Variants in CLYBL observed in about 807,000 individuals in gnomAD.
CLYBL encodes the protein citramalyl-CoA lyase, mitochondrial.
CLYBL carries 31 observed loss-of-function variants against 38.9 expected under a neutral mutation model. The observed-to-expected ratio is 0.80, with a 90% CI of 0.60 to 1.08. The LOEUF is 1.08. Ranked by LOEUF, CLYBL falls within the 50% of genes least tolerant of loss-of-function variation. CLYBL has a pLI of 0.00. For synonymous variants in CLYBL, 171 were observed against 158.6 expected (o/e 1.08, Z -0.59); for missense variants, 434 against 411.6 (o/e 1.05, Z -0.47).
intron 1 of CLYBL, among the ~76,000 whole-genome samples, chr13:99,675,379 T>C (rs1054876846): frequency 1.3e-5 from 2 of 152,214 alleles, no homozygotes; most frequent in Non-Finnish European, 2.9e-5. Flanking sequence ...TCTCATACAG[T>C]TCACCTATTT....
intron 3 of CLYBL, among the ~76,000 whole-genome samples, chr13:99,861,764 A>C (rs1455366719): frequency 1.3e-5 from 2 of 152,188 alleles, no homozygotes; most frequent in Non-Finnish European, 2.9e-5. Flanking sequence ...AAAGCTTTTT[A>C]AAGATCCCAG....
chr13:99,659,814 G>A (rs776697852), intron 1 of CLYBL, among the ~76,000 whole-genome samples: 4 of 152,114 alleles, frequency 2.6e-5, no homozygotes, highest in Admixed American at 2.6e-4. Flanking sequence ...AAACCTGTTT[G>A]GCGGCATAAA....
Position 99,686,157 on chromosome 13 carries a change from C to T in CLYBL, c.62+79400C>T, listed in dbSNP as rs542727045. On this transcript the variant is annotated intron_variant, in intron 1 of 8. Transcript: ENST00000339105. The stretch of plus-strand genomic sequence containing the variant: ...CCCGGGAATTTGTGTGGAGCTGTTT[C>T]AGGGACACTCTGAGCTAAGAAAAGG... 4.6e-5 allele frequency among the ~76,000 whole-genome samples: 7 copies of T among 152,216 alleles called. No individual in the cohort carries two copies. The South Asian group carries it at 1.5e-3, about 32-fold the overall frequency.
chr13:99,740,664 C>G (rs1189892913), intron 1 of CLYBL, among the ~76,000 whole-genome samples: 1 of 152,236 alleles, frequency 6.6e-6, no homozygotes, highest in Non-Finnish European at 1.5e-5. Flanking sequence ...CTGCATCTCT[C>G]AAACTGAGAT....
intron 2 of CLYBL, among the ~76,000 whole-genome samples, chr13:99,830,600 A>C (rs1273040022): frequency 6.6e-6 from 1 of 152,202 alleles, no homozygotes; most frequent in Admixed American, 6.5e-5. Flanking sequence ...AGTCTGTGAC[A>C]GTCCCTAGCT....
intron 1 of CLYBL, among the ~76,000 whole-genome samples, chr13:99,630,410 C>T (rs1436566751): frequency 6.6e-6 from 1 of 152,142 alleles, no homozygotes; most frequent in East Asian, 1.9e-4. Flanking sequence ...CTGGTCAGTA[C>T]AGTCCCTGAA....
At chr13:99,741,281 T>C (rs952927952) in intron 1 of CLYBL, among the ~76,000 whole-genome samples, 15 of 152,082 alleles carry the variant, frequency 9.9e-5, no homozygotes, top group South Asian at 8.3e-4. Flanking sequence ...TTTGGTGGTG[T>C]TGGGGAGTCA....
chr13:99,869,604 T>C lies in CLYBL; in HGVS notation c.803-1334T>C, dbSNP rs748092631. Among the ~76,000 whole-genome samples, 2 of 152,114 alleles carry C rather than the reference T, an allele frequency of 1.3e-5. No homozygotes were observed. The highest frequency in any genetic ancestry group is 2.9e-5 in the Non-Finnish European group (2 of 67,976). ...TAGCAATGTGAGGATGTTTTAATTA[T>C]GCCATTGGAAAGAAAAGATATTATT... On this transcript the variant is annotated intron_variant, in intron 6 of 8. Transcript: ENST00000339105. The surrounding 1 kb of genome is among the most constrained non-coding windows in gnomAD (Gnocchi z 4.3).
chr13:99,710,457 A>AT (rs1011871019), intron 1 of CLYBL, among the ~76,000 whole-genome samples: 2 of 152,058 alleles, frequency 1.3e-5, no homozygotes, highest in Non-Finnish European at 2.9e-5. Context: ...ACTGCACAGC[A>AT]TTTTTTTCAG....
chr13:99,760,137 T>C (rs534809560), intron 1 of CLYBL, among the ~76,000 whole-genome samples: 1 of 152,358 alleles, frequency 6.6e-6, no homozygotes, highest in Non-Finnish European at 1.5e-5. Context: ...TGTCTTATGA[T>C]CTTTTATTTC....
chr13:99,805,336 G>A (rs537107696), intron 2 of CLYBL, among the ~76,000 whole-genome samples: 30 of 152,202 alleles, frequency 2.0e-4, no homozygotes, highest in African/African-American at 6.3e-4. Flanking sequence ...AGGAATTGCC[G>A]TACTGTTAAT....
chr13:99,619,563 C>T (rs1037821432), intron 1 of CLYBL, among the ~76,000 whole-genome samples: 3 of 152,202 alleles, frequency 2.0e-5, no homozygotes, highest in South Asian at 4.1e-4. Flanking sequence ...TTAATATCCT[C>T]AGGTGCTCTT....
chr13:99,647,088 T>G (rs749335861), intron 1 of CLYBL, among the ~76,000 whole-genome samples: 1 of 152,170 alleles, frequency 6.6e-6, no homozygotes, highest in Admixed American at 6.6e-5. Flanking sequence ...ATGGTGCTCA[T>G]GGGCCTGAGG....
chr13:99,792,484 G>T (rs138042987), intron 2 of CLYBL, among the ~76,000 whole-genome samples: 1 of 152,138 alleles, frequency 6.6e-6, no homozygotes, highest in Non-Finnish European at 1.5e-5. Context: ...CAGGAGGGCC[G>T]CCTTGTTGCA....
At chr13:99,831,969 T>G (rs565394723) in intron 2 of CLYBL, among the ~76,000 whole-genome samples, 14 of 152,354 alleles carry the variant, frequency 9.2e-5, no homozygotes, top group African/African-American at 3.4e-4. Context: ...CTTGGCCTCT[T>G]CTCAGAGCTC....
intron 1 of CLYBL, among the ~76,000 whole-genome samples, chr13:99,653,208 A>G (rs1463610849): frequency 1.3e-5 from 2 of 152,150 alleles, no homozygotes; most frequent in Non-Finnish European, 2.9e-5. Flanking sequence ...AATTCTAGGC[A>G]AAGACTTCAG....
chr13:99,718,668 A>G (rs2048352924), intron 1 of CLYBL, among the ~76,000 whole-genome samples: 1 of 152,164 alleles, frequency 6.6e-6, no homozygotes, highest in Non-Finnish European at 1.5e-5. Flanking sequence ...TACTTCTGTA[A>G]TTCTAATAAT....
chr13:99,827,353 G>A (rs1042024787), intron 2 of CLYBL, among the ~76,000 whole-genome samples: 5 of 152,168 alleles, frequency 3.3e-5, no homozygotes, highest in African/African-American at 1.2e-4. Flanking sequence ...GCGCCACTGA[G>A]CAGACGTCCC....
intron 2 of CLYBL, among the ~76,000 whole-genome samples, chr13:99,837,109 C>T (rs2050958078): frequency 6.6e-6 from 1 of 152,010 alleles, no homozygotes; most frequent in Admixed American, 6.6e-5. Flanking sequence ...TCCTGCTCAG[C>T]TCTCATAGGA....
Sources: gnomAD v4.1 joint callset for allele counts (sites outside exome capture counted in the v4.1 genomes callset) on GRCh38, gnomAD v4.1.1 for gene constraint, Gnocchi (gnomAD v3.1) non-coding constraint, MANE v1.5 for transcripts, NCBI Gene and HGNC (gene_info 2026-07-23, HGNC 2026-07-21) for gene names.